Variants in CTNNA3 observed in about 807,000 individuals in gnomAD.
CTNNA3 encodes catenin alpha 3.
CTNNA3 carries 76 observed loss-of-function variants against 95.7 expected under a neutral mutation model. The ratio of observed to expected loss-of-function variants is 0.79; its 90% CI spans 0.66 to 0.96. The LOEUF (loss-of-function observed/expected upper bound fraction) is 0.96. Among genes scored for constraint, CTNNA3 ranks in the 40% least tolerant of loss-of-function variants. The probability of loss-of-function intolerance (pLI) is 0.00; values close to 1 mark genes in which losing one functional copy is unlikely to be tolerated. For synonymous variants in CTNNA3, 431 were observed against 374.4 expected, an observed-to-expected ratio of 1.15 and a Z score of -1.74; for missense variants, 1,191 against 1,089.8, an observed-to-expected ratio of 1.09 and a Z score of -1.31.
chr10:67,088,702 A>G (rs796232830), intron 7 of CTNNA3, among the ~76,000 whole-genome samples: 8 of 152,190 alleles, frequency 5.3e-5, no homozygotes, highest in African/African-American at 1.2e-4. Flanking sequence ...GGATTTCACT[A>G]TAATGAAGTT....
At chr10:67,219,905 A>G (rs1054919749) in intron 5 of CTNNA3, 35 bp from the exon 6 acceptor site, 11 of 1,496,216 alleles carry the variant, frequency 7.4e-6, no homozygotes, top group Admixed American at 4.4e-5. Context: ...GTATCTTACA[A>G]TGGGTTATGG....
chr10:66,808,841 T>C (rs1421180293), intron 7 of CTNNA3, among the ~76,000 whole-genome samples: 1 of 152,220 alleles, frequency 6.6e-6, no homozygotes, highest in Non-Finnish European at 1.5e-5. Context: ...GAATGACTTA[T>C]TCGCTTACTG....
At chr10:66,566,676 C>G (rs1401138076) in intron 10 of CTNNA3, among the ~76,000 whole-genome samples, 1 of 152,014 alleles carries the variant, frequency 6.6e-6, no homozygotes, top group African/African-American at 2.4e-5. Context: ...TCTTCATGCT[C>G]CAAGAGGCAA....
chr10:66,226,495 A>T (rs1340091396), intron 13 of CTNNA3, among the ~76,000 whole-genome samples: 1 of 151,732 alleles, frequency 6.6e-6, no homozygotes, highest in African/African-American at 2.4e-5. Context: ...TTATGCCTCT[A>T]GCTTTATTCA....
intron 13 of CTNNA3, among the ~76,000 whole-genome samples, chr10:66,231,399 CT>C (rs1011996492): frequency 3.3e-5 from 5 of 151,834 alleles, no homozygotes; most frequent in Admixed American, 2.6e-4. Flanking sequence ...TCGTAAAGTG[CT>C]TTTTTTTCCT....
intron 12 of CTNNA3, among the ~76,000 whole-genome samples, chr10:66,348,072 A>G (rs1173503986): frequency 6.6e-6 from 1 of 152,110 alleles, no homozygotes; most frequent in Non-Finnish European, 1.5e-5. Context: ...AACCTTAAGA[A>G]TACTAAGAAT....
chr10:66,749,766 T>C (rs1003301619), intron 9 of CTNNA3, among the ~76,000 whole-genome samples: 1 of 152,192 alleles, frequency 6.6e-6, no homozygotes, highest in Non-Finnish European at 1.5e-5. Context: ...ACAGTATGTT[T>C]AGTTTTGTAA....
At chr10:67,304,889 G>A (rs773290246) in intron 5 of CTNNA3, among the ~76,000 whole-genome samples, 6 of 151,946 alleles carry the variant, frequency 3.9e-5, no homozygotes, top group Non-Finnish European at 7.4e-5. Context: ...GACCTAAAGA[G>A]TATAGTAAGT....
At chr10:66,525,825 T>C (rs2132035057) in intron 10 of CTNNA3, among the ~76,000 whole-genome samples, 1 of 152,302 alleles carries the variant, frequency 6.6e-6, no homozygotes, top group Non-Finnish European at 1.5e-5. Flanking sequence ...TTCCCCCTAG[T>C]ACCTAGTAAG....
At chr10:66,439,243 A>G (rs182761884) in intron 11 of CTNNA3, among the ~76,000 whole-genome samples, 2 of 152,318 alleles carry the variant, frequency 1.3e-5, no homozygotes, top group East Asian at 3.9e-4. Flanking sequence ...ATAAAGTACA[A>G]TATATCAAAT....
intron 5 of CTNNA3, among the ~76,000 whole-genome samples, chr10:67,434,940 C>A (rs1051691115): frequency 2.0e-5 from 3 of 151,928 alleles, no homozygotes; most frequent in Non-Finnish European, 4.4e-5. Flanking sequence ...CAGAAAGTAA[C>A]CTTAGCAATA....
chr10:66,832,297 C>T (rs1842748042), intron 7 of CTNNA3, among the ~76,000 whole-genome samples: 1 of 152,050 alleles, frequency 6.6e-6, no homozygotes, highest in South Asian at 2.1e-4. Context: ...TTGAAAGTCT[C>T]ATGTAGATAT....
intron 7 of CTNNA3, among the ~76,000 whole-genome samples, chr10:66,806,578 T>C (rs1433951660): frequency 6.6e-6 from 1 of 151,970 alleles, no homozygotes; most frequent in East Asian, 1.9e-4. Context: ...GGGACCCAAA[T>C]TGACTATTGT....
chr10:65,996,389 G>T (rs1018689043), intron 15 of CTNNA3, among the ~76,000 whole-genome samples: 1 of 152,082 alleles, frequency 6.6e-6, no homozygotes, highest in Non-Finnish European at 1.5e-5. Flanking sequence ...TAGTGCTGAG[G>T]ACCCTGCTGT....
At chr10:66,806,796 G>GTGTA (rs1378569580) in intron 7 of CTNNA3, among the ~76,000 whole-genome samples, 7 of 135,400 alleles carry the variant, frequency 5.2e-5, no homozygotes, top group South Asian at 4.8e-4. Flanking sequence ...GTGTGTGTGT[G>GTGTA]TATACATATA....
At chr10:66,844,005 T>C (rs1228121923) in intron 7 of CTNNA3, among the ~76,000 whole-genome samples, 3 of 152,202 alleles carry the variant, frequency 2.0e-5, no homozygotes, top group African/African-American at 7.2e-5. Flanking sequence ...ATTATAGCTA[T>C]AAATGTCTGG....
chr10:66,312,903 A>T (rs142396104), intron 12 of CTNNA3, among the ~76,000 whole-genome samples: 28 of 152,316 alleles, frequency 1.8e-4, no homozygotes, highest in African/African-American at 6.5e-4. Flanking sequence ...AGGGGAAAGA[A>T]CTAATGTTAC....
At chr10:66,337,627 T>C (rs1333685494) in intron 12 of CTNNA3, among the ~76,000 whole-genome samples, 1 of 152,088 alleles carries the variant, frequency 6.6e-6, no homozygotes, top group Non-Finnish European at 1.5e-5. Flanking sequence ...TAAAAACTTG[T>C]TGCATGAGCA....
intron 15 of CTNNA3, among the ~76,000 whole-genome samples, chr10:66,004,019 G>A (rs368821947): frequency 1.6e-4 from 25 of 152,250 alleles, no homozygotes; most frequent in African/African-American, 5.8e-4. Flanking sequence ...AATTTTAGAC[G>A]CTCAACACTC....
Sources: allele counts gnomAD v4.1 joint callset (sites outside exome capture counted in the v4.1 genomes callset), GRCh38; gene constraint gnomAD v4.1.1; transcripts MANE v1.5; gene names NCBI Gene and HGNC (gene_info 2026-07-23, HGNC 2026-07-21).